The following COL26A1 variants were observed in gnomAD, a reference collection of about 807,000 sequenced individuals.
The protein encoded by COL26A1 is collagen type XXVI alpha 1 chain, also known as collagen alpha-1(XXVI) chain.
Under a neutral mutation model 59.3 loss-of-function variants are expected in COL26A1, and 41 were observed. The observed-to-expected ratio is 0.69, with a 90% CI of 0.54 to 0.90. The LOEUF is 0.90. Among genes scored for constraint, COL26A1 ranks in the 40% least tolerant of loss-of-function variants. COL26A1 has a pLI of 0.00. For synonymous variants in COL26A1, 266 were observed against 256.0 expected, an observed-to-expected ratio of 1.04 and a Z score of -0.37; for missense variants, 612 against 602.3, an observed-to-expected ratio of 1.02 and a Z score of -0.17.
intron 3 of COL26A1, among the ~76,000 whole-genome samples, chr7:101,513,253 C>G (rs1404194494): frequency 1.3e-5 from 2 of 151,952 alleles, no homozygotes; most frequent in East Asian, 3.8e-4. Flanking sequence ...AGTGATCCAC[C>G]CTCCTTGGCC....
intron 11 of COL26A1, among the ~76,000 whole-genome samples, chr7:101,553,611 G>A (rs760279595): frequency 2.6e-5 from 4 of 152,140 alleles, no homozygotes; most frequent in African/African-American, 7.2e-5. Flanking sequence ...TGCCACAGAG[G>A]GGGTGATTGG....
chr7:101,498,175 C>T (rs566565275), intron 3 of COL26A1, among the ~76,000 whole-genome samples: 6 of 152,170 alleles, frequency 3.9e-5, no homozygotes, highest in South Asian at 2.1e-4. Flanking sequence ...TCTCTCTCCC[C>T]GGATTTCTCA....
At chr7:101,430,448 C>T (rs1382075636) in intron 2 of COL26A1, among the ~76,000 whole-genome samples, 1 of 151,698 alleles carries the variant, frequency 6.6e-6, no homozygotes, top group African/African-American at 2.4e-5. Context: ...AGCACTGCAC[C>T]CAGCTAATTT....
intron 2 of COL26A1, among the ~76,000 whole-genome samples, chr7:101,447,113 G>A (rs1429542089): frequency 2.6e-5 from 4 of 152,162 alleles, no homozygotes; most frequent in African/African-American, 7.2e-5. Context: ...CCAGATTACA[G>A]GTCTGGGTGG....
intron 3 of COL26A1, among the ~76,000 whole-genome samples, chr7:101,494,438 T>C (rs115908105): frequency 0.02 from 3,122 of 152,342 alleles, 114 homozygotes; most frequent in African/African-American, 0.071. Flanking sequence ...TCTATTGCAT[T>C]GTTGATGTTG....
At chr7:101,393,166 T>C (rs1278855502) in intron 1 of COL26A1, among the ~76,000 whole-genome samples, 1 of 152,138 alleles carries the variant, frequency 6.6e-6, no homozygotes, top group African/African-American at 2.4e-5. Context: ...CATGCCCAGC[T>C]AATTCTTTTG....
chr7:101,449,491 G>A (rs1015611565), intron 3 of COL26A1, among the ~76,000 whole-genome samples: 3 of 152,192 alleles, frequency 2.0e-5, no homozygotes, highest in Admixed American at 6.5e-5. Context: ...AATGTTAGCC[G>A]GGAATGGTGG....
At chr7:101,393,948 A>AC (rs1791793612) in intron 1 of COL26A1, among the ~76,000 whole-genome samples, 2 of 150,562 alleles carry the variant, frequency 1.3e-5, no homozygotes, top group Admixed American at 6.6e-5. Flanking sequence ...GATTAAAAAA[A>AC]AATTTTTTTT....
intron 1 of COL26A1, among the ~76,000 whole-genome samples, chr7:101,387,369 A>G (rs2117043823): frequency 7.7e-6 from 1 of 130,718 alleles, no homozygotes; most frequent in East Asian, 2.2e-4. Context: ...GAAACCCGAC[A>G]CACTGAAAAA....
At chr7:101,557,274 C>A in intron 12 of COL26A1, 96 bp from the exon 13 acceptor site, 2 of 1,303,276 alleles carry the variant, frequency 1.5e-6, no homozygotes, top group Non-Finnish European at 2.1e-6. Context: ...CCACGCTGGG[C>A]AAGAGCATCT....
chr7:101,510,061 A>G (rs1563019367), intron 3 of COL26A1, among the ~76,000 whole-genome samples: 1 of 125,626 alleles, frequency 8.0e-6, no homozygotes. Context: ...TCACTCTGTC[A>G]CCCAGGCTGG....
chr7:101,430,955 C>T (rs987298337), intron 2 of COL26A1, among the ~76,000 whole-genome samples: 2 of 151,972 alleles, frequency 1.3e-5, no homozygotes, highest in African/African-American at 2.4e-5. Context: ...CCACCATGCC[C>T]GCTAATTTTT....
intron 3 of COL26A1, among the ~76,000 whole-genome samples, chr7:101,524,542 A>G (rs543866784): frequency 5.3e-5 from 8 of 152,262 alleles, no homozygotes; most frequent in Admixed American, 1.3e-4. Flanking sequence ...TTTTACTGGG[A>G]TGGGGAGAAT....
chr7:101,423,195 G>A (rs1172629382), intron 2 of COL26A1, among the ~76,000 whole-genome samples: 2 of 152,148 alleles, frequency 1.3e-5, no homozygotes, highest in Non-Finnish European at 2.9e-5. Flanking sequence ...GAACCTGGGA[G>A]GCAGAGGTTG....
chr7:101,526,125 T>C (rs956631240), intron 3 of COL26A1, among the ~76,000 whole-genome samples: 1 of 151,996 alleles, frequency 6.6e-6, no homozygotes, highest in Non-Finnish European at 1.5e-5. Context: ...CTCGGCTCAC[T>C]GCAACCTCCG....
At chr7:101,504,854 T>A (rs1192935740) in intron 3 of COL26A1, among the ~76,000 whole-genome samples, 1 of 152,074 alleles carries the variant, frequency 6.6e-6, no homozygotes, top group Non-Finnish European at 1.5e-5. Context: ...TGTGTGTGTC[T>A]GTGTCCATTT....
At chr7:101,399,562 G>A (rs112746607) in intron 1 of COL26A1, among the ~76,000 whole-genome samples, 9,852 of 152,094 alleles carry the variant, frequency 0.065, 1,028 homozygotes, top group African/African-American at 0.22. Context: ...GACCTCAGGT[G>A]ATCCTCCTGC....
intron 1 of COL26A1, among the ~76,000 whole-genome samples, chr7:101,390,160 T>G (rs866677939): frequency 4.9e-4 from 54 of 110,504 alleles, no homozygotes; most frequent in Admixed American, 8.0e-4. Flanking sequence ...TTTTTTTTTT[T>G]TTTTTTTTTT....
chr7:101,471,578 T>TTTTTG (rs1562997654), intron 3 of COL26A1, among the ~76,000 whole-genome samples: 1 of 89,474 alleles, frequency 1.1e-5, no homozygotes, highest in African/African-American at 4.0e-5. Context: ...TTTGTTTTTT[T>TTTTTG]TTTTTTTTTT....
Sources: allele counts gnomAD v4.1 joint callset (sites outside exome capture counted in the v4.1 genomes callset), GRCh38; gene constraint gnomAD v4.1.1; transcripts MANE v1.5; gene names NCBI Gene and HGNC (gene_info 2026-07-23, HGNC 2026-07-21).